The following PCDH15 variants were observed in gnomAD, a reference collection of about 807,000 sequenced individuals.
PCDH15 encodes the protein protocadherin-15.
PCDH15 carries 129 observed loss-of-function variants against 178.5 expected under a neutral mutation model. The ratio of observed to expected loss-of-function variants is 0.72; its 90% CI spans 0.63 to 0.84. The LOEUF (loss-of-function observed/expected upper bound fraction) is 0.84, where lower values mean the gene tolerates loss of function less well. Ranked by LOEUF, PCDH15 falls within the 40% of genes least tolerant of loss-of-function variation. The pLI is 0.00. For missense variants in PCDH15, 2,230 were observed against 2,099.9 expected, an observed-to-expected ratio of 1.06 and a Z score of -1.21; for synonymous variants, 800 against 732.0, an observed-to-expected ratio of 1.09 and a Z score of -1.50.
intron 18 of PCDH15, among the ~76,000 whole-genome samples, chr10:54,032,946 G>T (rs2093334043): frequency 6.6e-6 from 1 of 151,852 alleles, no homozygotes; most frequent in Non-Finnish European, 1.5e-5. Context: ...AAAACCATCA[G>T]ATCTAGTAAG....
chr10:54,395,843 G>C (rs1951146459), intron 3 of PCDH15, among the ~76,000 whole-genome samples: 1 of 152,074 alleles, frequency 6.6e-6, no homozygotes, highest in African/African-American at 2.4e-5. Context: ...ATACATTTTA[G>C]AGTATAAATG....
intron 25 of PCDH15, among the ~76,000 whole-genome samples, chr10:53,910,484 C>T (rs888181800): frequency 2.0e-4 from 31 of 152,066 alleles, no homozygotes; most frequent in Non-Finnish European, 7.4e-5. Flanking sequence ...AAAAGGACAC[C>T]CACACCAAAA....
At chr10:53,810,456 A>AAC (rs2075822780) in intron 37 of PCDH15, 100 bp downstream of exon 37, 3 of 1,070,302 alleles carry the variant, frequency 2.8e-6, no homozygotes, top group Non-Finnish European at 2.8e-6. Flanking sequence ...AAGTGAAAGG[A>AAC]ATTTCTAAAA....
chr10:54,314,308 A>G (rs1369645375), intron 8 of PCDH15, among the ~76,000 whole-genome samples: 2 of 152,116 alleles, frequency 1.3e-5, no homozygotes, highest in African/African-American at 2.4e-5. Flanking sequence ...ACATTTTAAT[A>G]CCAGCCCAAT....
At chr10:55,202,582 T>C (rs1840282204) in intron 1 of PCDH15, among the ~76,000 whole-genome samples, 1 of 152,102 alleles carries the variant, frequency 6.6e-6, no homozygotes, top group South Asian at 2.1e-4. Flanking sequence ...AGAAGGCAAG[T>C]TTGAAAGAGA....
intron 21 of PCDH15, among the ~76,000 whole-genome samples, chr10:53,966,587 A>G (rs1488889816): frequency 6.6e-6 from 1 of 152,120 alleles, no homozygotes; most frequent in Non-Finnish European, 1.5e-5. Flanking sequence ...AGTCAAATTC[A>G]TTGTTTTAAG....
chr10:54,722,622 C>T (rs538557587), intron 1 of PCDH15, among the ~76,000 whole-genome samples: 5 of 150,372 alleles, frequency 3.3e-5, no homozygotes, highest in African/African-American at 1.2e-4. Context: ...TAAATGATGG[C>T]ATAATTGTGT....
At chr10:55,551,822 T>G (rs1232990823) in intron 2 of PCDH15, among the ~76,000 whole-genome samples, 1 of 151,798 alleles carries the variant, frequency 6.6e-6, no homozygotes, top group Non-Finnish European at 1.5e-5. Context: ...TAATGTGACT[T>G]TAAAAGCTAT....
At chr10:54,228,947 C>CT (rs2053763606) in intron 9 of PCDH15, among the ~76,000 whole-genome samples, 1 of 152,200 alleles carries the variant, frequency 6.6e-6, no homozygotes, top group Non-Finnish European at 1.5e-5. Context: ...TGTCTGTTTG[C>CT]TTTCAACACA....
intron 2 of PCDH15, among the ~76,000 whole-genome samples, chr10:54,559,932 G>T (rs951851687): frequency 2.7e-5 from 4 of 149,942 alleles, no homozygotes; most frequent in African/African-American, 7.3e-5. Context: ...TCCATGAGCA[G>T]TTTTGTTACT....
chr10:54,010,869 C>T lies in PCDH15; in HGVS notation c.2751+9323G>A, dbSNP rs2135154336. Reference sequence around the variant, plus strand: ...CCCCATCTCCAGCTGAGCATTCTCACTGCTAGTGGCTTTGTGTTTCCTTAA... The same window carrying T: ...CCCCATCTCCAGCTGAGCATTCTCATTGCTAGTGGCTTTGTGTTTCCTTAA... On this transcript the variant is annotated intron_variant, in intron 20 of 37. Coordinates refer to ENST00000644397, the MANE Select transcript of PCDH15 (RefSeq NM_001384140.1). 2.0e-5 allele frequency among the ~76,000 whole-genome samples: 3 copies of T among 152,328 alleles called. 1 individual carries two copies. In the East Asian group the frequency reaches 5.8e-4, roughly 29 times the overall value.
At chr10:54,925,203 C>A (rs929644000) in intron 2 of PCDH15, among the ~76,000 whole-genome samples, 1 of 151,956 alleles carries the variant, frequency 6.6e-6, no homozygotes, top group Non-Finnish European at 1.5e-5. Flanking sequence ...AATAAAAAAT[C>A]CTTTCCTTGT....
chr10:54,697,685 A>AAGGGGGGAAGGG (rs2095253277), intron 1 of PCDH15, among the ~76,000 whole-genome samples: 2 of 75,616 alleles, frequency 2.6e-5, no homozygotes, highest in South Asian at 6.9e-4. Context: ...GGAAGGGAGG[A>AAGGGGGGAAGGG]AGGGAGGAAG....
chr10:54,524,776 A>G (rs1410911601), intron 3 of PCDH15, among the ~76,000 whole-genome samples: 1 of 152,214 alleles, frequency 6.6e-6, no homozygotes, highest in East Asian at 1.9e-4. Context: ...GTAGTCAGGA[A>G]CTAACATATC....
At chr10:54,930,972 G>GT (rs201530948) in intron 2 of PCDH15, among the ~76,000 whole-genome samples, 20,453 of 152,180 alleles carry the variant, frequency 0.13, 1,553 homozygotes, top group East Asian at 0.23. Flanking sequence ...TTATGAATTA[G>GT]CATGATTGAT....
intron 2 of PCDH15, chr10:55,597,277 C>T (rs1163118437): frequency 6.6e-6 from 1 of 152,122 alleles, no homozygotes; most frequent in Non-Finnish European, 1.5e-5. Context: ...TACGTACGTT[C>T]ACGCACACGT....
chr10:54,573,912 A>G (rs1358220386), intron 2 of PCDH15, among the ~76,000 whole-genome samples: 5 of 152,162 alleles, frequency 3.3e-5, no homozygotes, highest in African/African-American at 7.2e-5. Context: ...TTCATTGTAG[A>G]TTCTGGATAT....
chr10:54,257,403 C>CTTTTTT lies in PCDH15; in HGVS notation c.877-20478_877-20473dup, dbSNP rs71461225. 1.6e-3 allele frequency among the ~76,000 whole-genome samples: 199 copies of CTTTTTT among 125,904 alleles called. 2 individuals carry two copies. The highest frequency in any genetic ancestry group is 5.4e-3 in the Middle Eastern group (1 of 184). 82.6% of individuals were successfully genotyped at this position (125,904 alleles called of 152,430 possible). ...TGTGTGAAATAAAGAGAATTGTCTT[C>CTTTTTT]TTTTTTTTTTTTTTTTTGTCAAAGA... On this transcript the variant is annotated intron_variant, in intron 8 of 37. Transcript: ENST00000644397.
At position 53,827,552 on chromosome 10, in the gene PCDH15, G is replaced by T. The variant is rs1742862612; in HGVS notation, c.4212-4C>A. The stretch of plus-strand genomic sequence containing the variant: ...CTTTGTACACTCAGCTTGACGTCTT[G>T]GATAAAGTAAGGATGGCTTGTAAAA... On this transcript the variant is annotated splice_region_variant and splice_polypyrimidine_tract_variant and intron_variant, in intron 31 of 37. Transcript: ENST00000644397. The T allele has an allele frequency of 6.2e-7, 1 of 1,614,060 alleles. No individual in the cohort carries two copies. Among genetic ancestry groups the T allele is most frequent in the Non-Finnish European group, 8.5e-7 (1 of 1,179,952 alleles).
Sources: gnomAD v4.1 joint callset for allele counts (sites outside exome capture counted in the v4.1 genomes callset) on GRCh38, gnomAD v4.1.1 for gene constraint, MANE v1.5 for transcripts, NCBI Gene and HGNC (gene_info 2026-07-23, HGNC 2026-07-21) for gene names.